LRRC7: variants seen among roughly 807,000 people sequenced by gnomAD.
LRRC7 encodes leucine rich repeat containing 7.
A neutral mutation model predicts 175.7 loss-of-function variants in LRRC7; 23 were observed. The ratio of observed to expected loss-of-function variants is 0.13; its 90% confidence interval spans 0.09 to 0.19. LRRC7 has a LOEUF of 0.19. Among genes scored for constraint, LRRC7 ranks in the 10% least tolerant of loss-of-function variants. The pLI, the probability that LRRC7 is intolerant of heterozygous loss-of-function variation, is 1.00. For synonymous variants in LRRC7, 685 were observed against 680.9 expected, an observed-to-expected ratio of 1.01 and a Z score of -0.09; for missense variants, 1,354 against 1,904.7, an observed-to-expected ratio of 0.71 and a Z score of 5.38.
rs141795484 is a variant in LRRC7, at chr1:69,951,343, C to G, written c.711+19773C>G. The stretch of plus-strand genomic sequence containing the variant: ...GAACACTTATACACTGTTGGTGATA[C>G]TGTAAATTAGTTCAACCACTGTGGA... On this transcript the variant is annotated intron_variant, in intron 8 of 26. Coordinates refer to ENST00000651989, the MANE Select transcript of LRRC7 (RefSeq NM_001370785.2). Among the ~76,000 whole-genome samples the G allele has an allele frequency of 5.1e-3, 777 of 152,110 alleles. 10 individuals are homozygous for G. The highest frequency in any genetic ancestry group is 0.017 in the African/African-American group (715 of 41,504).
chr1:69,666,862 T>G (rs1658343941), intron 1 of LRRC7, among the ~76,000 whole-genome samples: 2 of 152,140 alleles, frequency 1.3e-5, no homozygotes, highest in African/African-American at 4.8e-5. Flanking sequence ...TGAGTTTGGT[T>G]TGCTCTTGCT....
intron 18 of LRRC7, among the ~76,000 whole-genome samples, chr1:70,032,395 T>TA (rs569370875): frequency 0.098 from 14,264 of 145,276 alleles, 655 homozygotes; most frequent in South Asian, 0.14. Context: ...TTCTTTATCT[T>TA]AAAAAAAAAA....
At chr1:69,811,930 T>A (rs868230040) in intron 4 of LRRC7, among the ~76,000 whole-genome samples, 5 of 151,852 alleles carry the variant, frequency 3.3e-5, no homozygotes, top group East Asian at 1.9e-4. Context: ...AAAAAATTTT[T>A]AAAAAAAGAG....
chr1:70,084,967 A>G (rs1663490300), intron 24 of LRRC7, among the ~76,000 whole-genome samples: 1 of 152,110 alleles, frequency 6.6e-6, no homozygotes, highest in African/African-American at 2.4e-5. Flanking sequence ...ATCTTTAAAA[A>G]TATTTTGCCT....
At chr1:69,839,333 C>T (rs951575456) in intron 7 of LRRC7, among the ~76,000 whole-genome samples, 2 of 151,992 alleles carry the variant, frequency 1.3e-5, no homozygotes, top group African/African-American at 2.4e-5. Context: ...AAAACACCTC[C>T]TTAATCCTCC....
At position 69,570,664 on chromosome 1, in the gene LRRC7, TTTTG is replaced by T. The variant is rs202195435; in HGVS notation, c.2+2034_2+2037del. Reference sequence around the variant, plus strand: ...TCTAAGGGAACTACCACGAGGTGTTTTTTGTTTGTTTGTTGTTTTTTGTTTGTTT... The same window carrying T: ...TCTAAGGGAACTACCACGAGGTGTTTTTTGTTTGTTGTTTTTTGTTTGTTT... On this transcript the variant is annotated intron_variant, in intron 1 of 26. Transcript: ENST00000651989. Among the ~76,000 whole-genome samples, 1,150 of 149,670 alleles carry T rather than the reference TTTTG, an allele frequency of 7.7e-3. 17 individuals are homozygous for T. Among genetic ancestry groups the T allele is most frequent in the African/African-American group, 0.028 (1,078 of 39,084 alleles).
intron 26 of LRRC7, among the ~76,000 whole-genome samples, chr1:70,117,072 T>G (rs1318937671): frequency 2.0e-5 from 3 of 152,202 alleles, no homozygotes; most frequent in Non-Finnish European, 4.4e-5. Flanking sequence ...AAAATTTATG[T>G]GTACTGGTCC....
intron 8 of LRRC7, among the ~76,000 whole-genome samples, chr1:69,968,532 A>G (rs1342315211): frequency 6.6e-6 from 1 of 152,214 alleles, no homozygotes; most frequent in Non-Finnish European, 1.5e-5. Flanking sequence ...AAAGGAAAGA[A>G]TCTTAAGAGC....
chr1:69,797,175 C>T (rs536920212), intron 4 of LRRC7, among the ~76,000 whole-genome samples: 1 of 152,162 alleles, frequency 6.6e-6, no homozygotes, highest in African/African-American at 2.4e-5. Context: ...AGGATAAGGT[C>T]GCCATCCAAT....
chr1:69,856,412 A>G (rs1395242744), intron 7 of LRRC7, among the ~76,000 whole-genome samples: 1 of 152,158 alleles, frequency 6.6e-6, no homozygotes, highest in Non-Finnish European at 1.5e-5. Context: ...TAGATGCAAT[A>G]AAAAATGATA....
At chr1:69,750,797 G>A (rs903727366) in intron 2 of LRRC7, among the ~76,000 whole-genome samples, 17 of 152,144 alleles carry the variant, frequency 1.1e-4, no homozygotes, top group African/African-American at 4.1e-4. Context: ...CTTTTGTAAG[G>A]CATTAATCCA....
rs950731680 is a variant in LRRC7 at position 70,129,819 on chromosome 1, A to G, written c.*7932A>G. Among the ~76,000 whole-genome samples the G allele has an allele frequency of 6.6e-6, 1 of 152,214 alleles. No homozygotes were observed. Among genetic ancestry groups the G allele is most frequent in the African/African-American group, 2.4e-5 (1 of 41,466 alleles). On this transcript the variant is annotated 3_prime_UTR_variant, in exon 27 of 27. Coordinates refer to ENST00000651989, the MANE Select transcript of LRRC7 (RefSeq NM_001370785.2). ...TGTATCATCAACATCTATTCTTCTAAGGAGTTCTGATCCTCTGAATCTGGA... is the reference window on the plus strand; with the variant it reads ...TGTATCATCAACATCTATTCTTCTAGGGAGTTCTGATCCTCTGAATCTGGA...
intron 2 of LRRC7, among the ~76,000 whole-genome samples, chr1:69,759,285 A>C (rs1215115086): frequency 6.6e-6 from 1 of 151,776 alleles, no homozygotes; most frequent in Non-Finnish European, 1.5e-5. Flanking sequence ...TACATACTAT[A>C]TATCAAGTAC....
intron 13 of LRRC7, among the ~76,000 whole-genome samples, chr1:70,015,433 A>G (rs994858769): frequency 1.3e-5 from 2 of 152,088 alleles, no homozygotes; most frequent in Non-Finnish European, 2.9e-5. Flanking sequence ...TTATTTATCT[A>G]TTGGCTGACA....
intron 2 of LRRC7, among the ~76,000 whole-genome samples, chr1:69,742,897 G>T (rs1048208270): frequency 1.3e-5 from 2 of 151,878 alleles, no homozygotes; most frequent in Non-Finnish European, 2.9e-5. Flanking sequence ...CTGAGCCATA[G>T]ATTTACTAAG....
At chr1:69,927,157 A>G (rs532938953) in intron 7 of LRRC7, among the ~76,000 whole-genome samples, 2 of 152,220 alleles carry the variant, frequency 1.3e-5, no homozygotes, top group East Asian at 1.9e-4. Context: ...CTGGCTTGTA[A>G]AGTTTCTGCC....
chr1:69,808,276 C>A (rs1210906747), intron 4 of LRRC7, among the ~76,000 whole-genome samples: 1 of 151,612 alleles, frequency 6.6e-6, no homozygotes. Context: ...TCTTAGAAAC[C>A]TACACAGAGA....
intron 1 of LRRC7, among the ~76,000 whole-genome samples, chr1:69,592,007 T>C (rs981839547): frequency 6.6e-6 from 1 of 152,120 alleles, no homozygotes; most frequent in Non-Finnish European, 1.5e-5. Context: ...ATGTCCAGTG[T>C]TGAGGAAGGA....
chr1:69,997,543 T>C (rs1274197277), intron 11 of LRRC7, among the ~76,000 whole-genome samples: 1 of 152,070 alleles, frequency 6.6e-6, no homozygotes, highest in Non-Finnish European at 1.5e-5. Context: ...GGATTTGTCA[T>C]AGATAGCTCT....
Sources: gnomAD v4.1 joint callset for allele counts (sites outside exome capture counted in the v4.1 genomes callset) on GRCh38, gnomAD v4.1.1 for gene constraint, MANE v1.5 for transcripts, NCBI Gene and HGNC (gene_info 2026-07-23, HGNC 2026-07-21) for gene names.